The following CSMD2 variants were observed in gnomAD, a reference collection of about 807,000 sequenced individuals.
The protein encoded by CSMD2 is CUB and sushi domain-containing protein 2.
CSMD2 carries 130 observed loss-of-function variants against 398.5 expected under a neutral mutation model. The observed-to-expected ratio is 0.33, with a 90% CI of 0.28 to 0.38. The LOEUF (loss-of-function observed/expected upper bound fraction) is 0.38. CSMD2 is among the 10% of genes least tolerant of loss of function. The pLI, the probability that CSMD2 is intolerant of heterozygous loss-of-function variation, is 1.00. For missense variants in CSMD2, 3,829 were observed against 4,764.9 expected, an observed-to-expected ratio of 0.80 and a Z score of 5.78; for synonymous variants, 1,828 against 1,908.5, an observed-to-expected ratio of 0.96 and a Z score of 1.10.
chr1:33,539,219 G>A (rs1456861774), intron 60 of CSMD2, among the ~76,000 whole-genome samples: 1 of 152,110 alleles, frequency 6.6e-6, no homozygotes, highest in African/African-American at 2.4e-5. Context: ...ACCCACCTCG[G>A]CCTCCCAAAG....
Position 33,541,212 on chromosome 1 carries a change from G to A in CSMD2, c.9375C>T (p.Gly3125=), listed in dbSNP as rs767117766. Residue 3125 remains glycine (G), a synonymous_variant, in exon 59 of 71, where the codon GGC becomes GGT. Coordinates refer to ENST00000373381, the MANE Select transcript of CSMD2 (RefSeq NM_001281956.2). ...NKTVTYQCVP[G]YMMESHRVSV... ...ATACTCTATGTGACTCCATCATATA[G>A]CCAGGGACACACTGATATGTCACAG... is the stretch of plus-strand genomic sequence containing the variant. The A allele has an allele frequency of 2.0e-5, 33 of 1,613,948 alleles. No homozygotes were observed. The highest frequency in any genetic ancestry group is 2.7e-5 in the Non-Finnish European group (32 of 1,179,980).
intron 3 of CSMD2, among the ~76,000 whole-genome samples, chr1:34,021,456 C>T (rs964150332): frequency 2.0e-5 from 3 of 152,174 alleles, no homozygotes; most frequent in Admixed American, 2.0e-4. Flanking sequence ...CAGGTCCCCA[C>T]CCAGTGGTTC....
intron 37 of CSMD2, among the ~76,000 whole-genome samples, chr1:33,619,062 A>T (rs1462854887): frequency 6.6e-6 from 1 of 152,216 alleles, no homozygotes; most frequent in Non-Finnish European, 1.5e-5. Context: ...GAGTCCATGT[A>T]CAGGTGCAGG....
intron 15 of CSMD2, among the ~76,000 whole-genome samples, chr1:33,734,781 T>C (rs1269554142): frequency 1.5e-5 from 2 of 131,326 alleles, no homozygotes; most frequent in Non-Finnish European, 3.1e-5. Flanking sequence ...CAAGATTCCA[T>C]CTCAAAAAAA....
intron 55 of CSMD2, among the ~76,000 whole-genome samples, chr1:33,554,615 G>C (rs909913458): frequency 6.6e-6 from 1 of 152,030 alleles, no homozygotes; most frequent in African/African-American, 2.4e-5. Context: ...ATTTTAACTG[G>C]GAGCCAATGC....
chr1:33,888,829 G>A (rs556477748), intron 5 of CSMD2, among the ~76,000 whole-genome samples: 31 of 151,992 alleles, frequency 2.0e-4, no homozygotes, highest in Non-Finnish European at 2.2e-4. Context: ...GTGCAGTGGC[G>A]CAATATCGGC....
intron 25 of CSMD2, among the ~76,000 whole-genome samples, chr1:33,692,650 CA>C (rs1261448360): frequency 6.6e-6 from 1 of 152,242 alleles, no homozygotes. Context: ...GGGTTGGATT[CA>C]AATGGGGGTC....
At chr1:33,640,064 A>G (rs547874432) in intron 29 of CSMD2, among the ~76,000 whole-genome samples, 42 of 152,232 alleles carry the variant, frequency 2.8e-4, no homozygotes, top group Non-Finnish European at 5.1e-4. Context: ...CTCAGCTGTG[A>G]ATGATAACAC....
At chr1:34,165,771 G>C (rs913110870), upstream of CSMD2, 14 of 1,613,932 alleles carry the variant, frequency 8.7e-6, no homozygotes, top group Admixed American at 1.0e-4. Context: ...TGGTGGCTTT[G>C]AACTTGCCAT....
chr1:33,996,122 G>T (rs951299148), intron 3 of CSMD2, among the ~76,000 whole-genome samples: 5 of 152,226 alleles, frequency 3.3e-5, no homozygotes, highest in Non-Finnish European at 5.9e-5. Flanking sequence ...CAAAGGATAT[G>T]GACAGAAAAT....
intron 1 of CSMD2, among the ~76,000 whole-genome samples, chr1:34,159,532 A>G (rs1312149544): frequency 6.6e-6 from 1 of 152,242 alleles, no homozygotes; most frequent in Non-Finnish European, 1.5e-5. Context: ...TTGAATGGCA[A>G]CAAGGTTATG....
At chr1:33,756,334 T>C (rs1649011511) in intron 13 of CSMD2, among the ~76,000 whole-genome samples, 1 of 152,184 alleles carries the variant, frequency 6.6e-6, no homozygotes, top group Non-Finnish European at 1.5e-5. Context: ...ACCTGCTATG[T>C]GTCTGTCCCT....
chr1:34,110,184 TA>T lies in CSMD2; in HGVS notation c.188-20992del, dbSNP rs58094095. Among the ~76,000 whole-genome samples, 904 of 150,778 alleles carry T rather than the reference TA, an allele frequency of 6.0e-3. 14 individuals carry two copies. The highest frequency in any genetic ancestry group is 0.021 in the African/African-American group (861 of 41,020). On this transcript the variant is annotated intron_variant, in intron 1 of 70. Transcript: ENST00000373381. ...ACCCAGAATGGCTACTATTAAAAAG[TA>T]AAAAAATAACAGATGCTGGCAAGGT...
At chr1:33,873,601 G>A (rs78695966) in intron 5 of CSMD2, 2,323 of 152,272 alleles carry the variant, frequency 0.015, 55 homozygotes, top group East Asian at 0.074. Context: ...CTGGTCAATA[G>A]CACTGAGGAA....
At chr1:33,539,417 A>G (rs1283374785) in intron 60 of CSMD2, among the ~76,000 whole-genome samples, 3 of 152,362 alleles carry the variant, frequency 2.0e-5, no homozygotes, top group African/African-American at 7.2e-5. Context: ...TGATGCATAG[A>G]TCAGTAAATA....
Position 33,625,093 on chromosome 1 carries a change from C to G in CSMD2, c.5458G>C (p.Gly1820Arg). The stretch of plus-strand genomic sequence containing the variant: ...GAGACATTCCATTGGGCCAAGGCCC[C>G]AGGCACAGGGAGGCACTCGATCTCT... ...SPEIECLPVP[G>R]ALAQWNVSAP... The change falls in exon 34 of 71, where the codon GGG (glycine) becomes CGG (arginine). Residue 1820 changes from glycine to arginine, a missense_variant. Transcript: ENST00000373381. 6.2e-7 allele frequency: 1 copy of G among 1,614,130 alleles called. No individual in the cohort carries two copies. The highest frequency in any genetic ancestry group is 8.5e-7 in the Non-Finnish European group (1 of 1,180,022).
intron 3 of CSMD2, among the ~76,000 whole-genome samples, chr1:33,949,357 C>T (rs1224016376): frequency 6.6e-6 from 1 of 152,158 alleles, no homozygotes; most frequent in Admixed American, 6.5e-5. Flanking sequence ...GGGCAGATGG[C>T]CCCAGGAGCC....
chr1:34,059,718 G>GTGAATGAA (rs146583969), intron 2 of CSMD2, among the ~76,000 whole-genome samples: 30,791 of 151,120 alleles, frequency 0.2, 3,377 homozygotes, highest in Middle Eastern at 0.26. Context: ...GAATGAATAC[G>GTGAATGAA]TGAATGAATG....
At chr1:34,123,457 A>G (rs1313778718) in intron 1 of CSMD2, among the ~76,000 whole-genome samples, 3 of 152,212 alleles carry the variant, frequency 2.0e-5, no homozygotes, top group Non-Finnish European at 4.4e-5. Flanking sequence ...CCTTTATAAC[A>G]AACTGGTAAA....
Sources: allele counts gnomAD v4.1 joint callset (sites outside exome capture counted in the v4.1 genomes callset), GRCh38; gene constraint gnomAD v4.1.1; transcripts MANE v1.5; gene names NCBI Gene and HGNC (gene_info 2026-07-23, HGNC 2026-07-21).